Variants in NETO1 observed in about 807,000 individuals in gnomAD.
NETO1 encodes the protein neuropilin and tolloid like 1.
In NETO1, 26 loss-of-function variants were observed where a neutral mutation model predicts 61.3. That is an observed-to-expected ratio of 0.42 (90% CI 0.31 to 0.59). NETO1 has a LOEUF of 0.59. Ranked by LOEUF, NETO1 falls within the 20% of genes least tolerant of loss-of-function variation. NETO1 has a pLI of 0.12. For synonymous variants in NETO1, 225 were observed against 225.8 expected (o/e 1.00, Z 0.03); for missense variants, 531 against 662.8 (o/e 0.80, Z 2.18).
chr18:72,774,781 T>A (rs772008700), intron 7 of NETO1, among the ~76,000 whole-genome samples: 3 of 152,240 alleles, frequency 2.0e-5, no homozygotes, highest in Admixed American at 1.3e-4. Context: ...AAGATAATAC[T>A]TAAATGTTTT....
At chr18:72,803,761 C>T (rs1398245634) in intron 4 of NETO1, among the ~76,000 whole-genome samples, 1 of 151,184 alleles carries the variant, frequency 6.6e-6, no homozygotes, top group African/African-American at 2.4e-5. Flanking sequence ...GTTGAGGTTG[C>T]AGTCAGCCGA....
rs185024244 is a variant in NETO1, at chr18:72,777,729, C to G, written c.868+5949G>C. On this transcript the variant is annotated intron_variant, in intron 7 of 10. Transcript: ENST00000327305. The stretch of plus-strand genomic sequence containing the variant: ...CTGCACTCCAGCCTGGGGGACAGAA[C>G]GAGACTCCATCTCAAATAAACAAAC... Among the ~76,000 whole-genome samples the G allele has an allele frequency of 1.4e-4, 21 of 152,262 alleles. No individual in the cohort carries two copies. In the East Asian group the frequency reaches 4.1e-3, roughly 29 times the overall value.
intron 4 of NETO1, among the ~76,000 whole-genome samples, chr18:72,809,845 C>A (rs2072805439): frequency 6.6e-6 from 1 of 152,196 alleles, no homozygotes; most frequent in Non-Finnish European, 1.5e-5. Context: ...CTGCATACTG[C>A]AAATATCAAA....
chr18:72,851,761 A>T (rs186786681), intron 4 of NETO1, among the ~76,000 whole-genome samples: 1 of 152,304 alleles, frequency 6.6e-6, no homozygotes, highest in East Asian at 1.9e-4. Flanking sequence ...AACGCGGGTG[A>T]TATATATAGT....
intron 4 of NETO1, among the ~76,000 whole-genome samples, chr18:72,798,875 C>T (rs913528238): frequency 3.3e-5 from 5 of 152,180 alleles, no homozygotes; most frequent in Non-Finnish European, 7.4e-5. Flanking sequence ...TCCAAGACCA[C>T]TCTGTACAAT....
At chr18:72,860,021 G>A (rs192360586) in intron 3 of NETO1, among the ~76,000 whole-genome samples, 21 of 152,198 alleles carry the variant, frequency 1.4e-4, no homozygotes, top group African/African-American at 3.4e-4. Flanking sequence ...GCTTTATAGG[G>A]CTGGCAACTC....
rs1426939210 is a variant in NETO1, at chr18:72,830,840, T to C, written c.469+27986A>G. ...TTTCCGAAAGATTATGCTACACTTA[T>C]GGGTTCCAGTTGTTCACTTTTTATC... On this transcript the variant is annotated intron_variant, in intron 4 of 10. Coordinates refer to ENST00000327305, the MANE Select transcript of NETO1 (RefSeq NM_138966.5). This position sits in a 1 kb window ranked among gnomAD's most constrained non-coding sequence, Gnocchi z 4.9. Among the ~76,000 whole-genome samples the C allele has an allele frequency of 1.3e-5, 2 of 152,182 alleles. No individual in the cohort carries two copies. The highest frequency in any genetic ancestry group is 2.9e-5 in the Non-Finnish European group (2 of 68,032).
Position 72,779,541 on chromosome 18 carries a change from C to G in NETO1, c.868+4137G>C, listed in dbSNP as rs529758089. Among the ~76,000 whole-genome samples the G allele has an allele frequency of 2.0e-5, 3 of 152,162 alleles. No homozygotes were observed. In the South Asian group the frequency reaches 6.2e-4, roughly 32 times the overall value. On this transcript the variant is annotated intron_variant, in intron 7 of 10. Coordinates refer to ENST00000327305, the MANE Select transcript of NETO1 (RefSeq NM_138966.5). ...CCTCTTAAGTACCCTTAGAATGATT[C>G]CTACCCACCCATTTCCAAGTAGTAG...
chr18:72,807,536 T>C (rs1262326044), intron 4 of NETO1, among the ~76,000 whole-genome samples: 3 of 152,204 alleles, frequency 2.0e-5, no homozygotes, highest in African/African-American at 7.2e-5. Context: ...TTTGTTTGTG[T>C]TCACATTAAG....
chr18:72,834,539 T>C, intron 4 of NETO1: 1 of 969,496 alleles, frequency 1.0e-6, no homozygotes, highest in Non-Finnish European at 1.2e-6. Context: ...CTATATATAA[T>C]ATAAAAGCAA....
chr18:72,805,615 G>A (rs1222600105), intron 4 of NETO1, among the ~76,000 whole-genome samples: 2 of 152,184 alleles, frequency 1.3e-5, no homozygotes, highest in African/African-American at 4.8e-5. Context: ...ACTAGCCTAA[G>A]AATACAGTTG....
At chr18:72,762,910 A>C (rs1292357408) in intron 7 of NETO1, among the ~76,000 whole-genome samples, 1 of 152,228 alleles carries the variant, frequency 6.6e-6, no homozygotes, top group Non-Finnish European at 1.5e-5. Flanking sequence ...AGATAAAATA[A>C]AGCCACAACA....
At position 72,745,860 on chromosome 18, in the gene NETO1, C is replaced by T. The variant is rs2070420370; in HGVS notation, c.*2319G>A. 6.6e-6 allele frequency: 1 copy of T among 152,176 alleles called. No individual in the cohort carries two copies. The allele number at this position is 152,176 out of a possible 1,614,324, so 9.4% of individuals were successfully genotyped here. A position where few individuals can be genotyped will look rare whatever the true frequency, so the allele number is the denominator to read the frequency against. On this transcript the variant is annotated 3_prime_UTR_variant, in exon 11 of 11. Coordinates refer to ENST00000327305, the MANE Select transcript of NETO1 (RefSeq NM_138966.5). ...GTCATTATCTTCTTTCATGATTAGT[C>T]TGTGTCTGTACATTGTTGAGAAATT... is the stretch of plus-strand genomic sequence containing the variant.
chr18:72,810,861 G>A (rs1274094519), intron 4 of NETO1, among the ~76,000 whole-genome samples: 1 of 152,148 alleles, frequency 6.6e-6, no homozygotes, highest in Non-Finnish European at 1.5e-5. Flanking sequence ...GATGTTAGAA[G>A]GAAAGAATGG....
rs1176807906 is a variant in NETO1, at chr18:72,867,293, T to A, written c.-2A>T. The A allele has an allele frequency of 2.5e-6, 4 of 1,570,246 alleles. No individual in the cohort carries two copies. The highest frequency in any genetic ancestry group is 2.6e-6 in the Non-Finnish European group (3 of 1,158,766). The stretch of plus-strand genomic sequence containing the variant: ...AAGCACGCTGCGCCCATGGATCATG[T>A]CTGTGCGTTACACCAGAGGCTCCGG... On this transcript the variant is annotated 5_prime_UTR_variant, in exon 1 of 11. Transcript: ENST00000327305.
downstream of NETO1, chr18:72,742,841 AC>A (rs1382362366): frequency 6.6e-6 from 1 of 152,238 alleles, no homozygotes; most frequent in Admixed American, 6.5e-5. Context: ...GAAAAAAATT[AC>A]ATGTAAAACA....
At chr18:72,812,877 A>T (rs887524637) in intron 4 of NETO1, among the ~76,000 whole-genome samples, 2 of 152,202 alleles carry the variant, frequency 1.3e-5, no homozygotes, top group Non-Finnish European at 2.9e-5. Flanking sequence ...CATCACCATA[A>T]CATATTCCCT....
chr18:72,835,295 C>T, intron 4 of NETO1: 2 of 1,589,634 alleles, frequency 1.3e-6, no homozygotes, highest in Non-Finnish European at 1.7e-6. Flanking sequence ...CTCTGTAGAT[C>T]CTGCTAAGGA....
At chr18:72,863,250 G>C (rs1351784702) in intron 3 of NETO1, among the ~76,000 whole-genome samples, 1 of 152,140 alleles carries the variant, frequency 6.6e-6, no homozygotes, top group African/African-American at 2.4e-5. Flanking sequence ...CGCCACGAAG[G>C]TCCCCAACCA....
Sources: gnomAD v4.1 joint callset for allele counts (sites outside exome capture counted in the v4.1 genomes callset) on GRCh38, gnomAD v4.1.1 for gene constraint, Gnocchi (gnomAD v3.1) non-coding constraint, MANE v1.5 for transcripts, NCBI Gene and HGNC (gene_info 2026-07-23, HGNC 2026-07-21) for gene names.